The following AGFG2 variants were observed in gnomAD, a reference collection of about 807,000 sequenced individuals.
The protein encoded by AGFG2 is arf-GAP domain and FG repeat-containing protein 2.
In AGFG2, 31 loss-of-function variants were observed where a neutral mutation model predicts 48.0. The observed-to-expected ratio is 0.65, with a 90% confidence interval of 0.49 to 0.87. The LOEUF (loss-of-function observed/expected upper bound fraction) is 0.87, where lower values mean the gene tolerates loss of function less well. AGFG2 is among the 40% of genes least tolerant of loss of function. The pLI is 0.00. For synonymous variants in AGFG2, 229 were observed against 260.8 expected, an observed-to-expected ratio of 0.88 and a Z score of 1.18; for missense variants, 599 against 632.6, an observed-to-expected ratio of 0.95 and a Z score of 0.57.
intron 3 of AGFG2, among the ~76,000 whole-genome samples, chr7:100,551,885 CAAAAAAAAAAAAA>C (rs59484677): frequency 1.8e-4 from 3 of 16,854 alleles, no homozygotes; most frequent in Admixed American, 1.4e-3. Flanking sequence ...GAGACTGTCT[CAAAAAAAAAAAAA>C]AAAAAAAAAA....
At chr7:100,544,056 T>C (rs184976721) in intron 1 of AGFG2, among the ~76,000 whole-genome samples, 3 of 152,368 alleles carry the variant, frequency 2.0e-5, no homozygotes, top group Admixed American at 2.0e-4. Flanking sequence ...GTGCTTTAAA[T>C]GTTCTTTCTT....
chr7:100,562,538 C>G lies in AGFG2; in HGVS notation c.999-56C>G. Reference sequence around the variant, plus strand: ...AGGGTTGGCATCTCCTGGCCCCTTGCTCAGGTTTGATTGGCCCTGGCAGCT... The same window carrying G: ...AGGGTTGGCATCTCCTGGCCCCTTGGTCAGGTTTGATTGGCCCTGGCAGCT... On this transcript the variant is annotated intron_variant, in intron 7 of 11. Transcript: ENST00000300176. This position sits in a 1 kb window ranked among gnomAD's most constrained non-coding sequence, Gnocchi z 5.4. 1.2e-6 allele frequency: 2 copies of G among 1,611,992 alleles called. No homozygotes were observed. The highest frequency in any genetic ancestry group is 1.7e-6 in the Non-Finnish European group (2 of 1,178,934).
At position 100,539,295 on chromosome 7, in the gene AGFG2, C is replaced by G. The variant is rs1800371168; in HGVS notation, c.-52C>G. ...GGAGGCGGCTGAGGAGGCGGGAAGG[C>G]GGCAGTGGTTGAAGGGGTGATTGCT... On this transcript the variant is annotated 5_prime_UTR_variant, in exon 1 of 12. Transcript: ENST00000300176. 1 of 1,268,940 alleles carries G rather than the reference C, an allele frequency of 7.9e-7. No homozygotes were observed. Among genetic ancestry groups the G allele is most frequent in the South Asian group, 2.7e-5 (1 of 37,574 alleles). The allele number at this position is 1,268,940 out of a possible 1,614,324, so 78.6% of individuals were successfully genotyped here.
At chr7:100,551,066 A>ATATTTTTT (rs1562791920) in intron 3 of AGFG2, among the ~76,000 whole-genome samples, 1 of 69,718 alleles carries the variant, frequency 1.4e-5, no homozygotes, top group African/African-American at 6.4e-5. Context: ...ATATATATAT[A>ATATTTTTT]TTTCTTTTTT....
intron 1 of AGFG2, among the ~76,000 whole-genome samples, chr7:100,547,179 C>G (rs2131104748): frequency 6.6e-6 from 1 of 150,808 alleles, no homozygotes; most frequent in East Asian, 2.0e-4. Flanking sequence ...ACCCCCACCA[C>G]CGCTGCTTTT....
chr7:100,548,607 C>G (rs1182939563), intron 1 of AGFG2, among the ~76,000 whole-genome samples: 1 of 152,178 alleles, frequency 6.6e-6, no homozygotes. Context: ...GTCACTGTGC[C>G]TGGCCTCTCT....
rs35771030 is a variant in AGFG2, at chr7:100,563,934, G to A, written c.1272G>A (p.Pro424=). The A allele has an allele frequency of 7.5e-4, 1,199 of 1,608,304 alleles. No homozygotes were observed. Among genetic ancestry groups the A allele is most frequent in the Non-Finnish European group, 9.2e-4 (1,086 of 1,179,974 alleles). The part of the protein sequence containing the change: ...ASSFPAPLFP[P]QTPLVQQQNG... ...CCTTCCCAGCACCGCTGTTCCCCCC[G>A]CAGACCCCGCTTGTTCAGCAGCAGA... is the stretch of plus-strand genomic sequence containing the variant. Residue 424 remains proline, a synonymous_variant, in exon 10 of 12, where the codon CCG becomes CCA. Transcript: ENST00000300176.
rs1800910761 is a variant in AGFG2, at chr7:100,562,914, C to G, written c.1139C>G (p.Thr380Ser). The change falls in exon 9 of 12, where the codon ACC becomes AGC. Residue 380 changes from threonine to serine, a missense_variant. Transcript: ENST00000300176. This position sits in a 1 kb window ranked among gnomAD's most constrained non-coding sequence, Gnocchi z 5.4. ...APAAQSPLPSTNPFQPNGLAP... is the reference protein window; with the variant it reads ...APAAQSPLPSSNPFQPNGLAP... ...GCCGCCCAGTCCCCGCTGCCTTCCA[C>G]CAACCCGTTCCAGCCCAATGGCTTG... 1 of 1,614,144 alleles carries G rather than the reference C, an allele frequency of 6.2e-7. No individual in the cohort carries two copies. The highest frequency in any genetic ancestry group is 2.2e-5 in the East Asian group (1 of 44,888).
rs1326804444 is a variant in AGFG2, at chr7:100,567,641, AAG to A, written c.*2651_*2652del. On this transcript the variant is annotated 3_prime_UTR_variant, in exon 12 of 12. Transcript: ENST00000300176. ...CCTGTGTTGCCTTCCACAGAGGAGC[AAG>A]GCCTCAGGCTGAGGAAGGAGGGGCA... 1.3e-5 allele frequency: 2 copies of A among 152,600 alleles called. No homozygotes were observed. Among genetic ancestry groups the A allele is most frequent in the African/African-American group, 4.8e-5 (2 of 41,452 alleles). 9.5% of individuals were successfully genotyped at this position (152,600 alleles called of 1,614,324 possible).
Position 100,557,370 on chromosome 7 carries a change from CAAGT to C in AGFG2, c.877+1639_877+1642del, listed in dbSNP as rs1208790296. Among the ~76,000 whole-genome samples the C allele has an allele frequency of 3.9e-5, 6 of 152,236 alleles. No individual in the cohort carries two copies. In the East Asian group the frequency reaches 1.2e-3, roughly 29 times the overall value. The stretch of plus-strand genomic sequence containing the variant: ...TATGCTTTCCCACATGACTAATAGA[CAAGT>C]AAGAAATAAACTATAGGAAACAAAA... On this transcript the variant is annotated intron_variant, in intron 6 of 11. Transcript: ENST00000300176.
rs1461797728 is a variant in AGFG2 at position 100,548,991 on chromosome 7, C to T, written c.315+76C>T. The T allele has an allele frequency of 4.9e-6, 6 of 1,220,880 alleles. No homozygotes were observed. In the East Asian group the frequency reaches 1.2e-4, roughly 24 times the overall value. 75.6% of individuals were successfully genotyped at this position (1,220,880 alleles called of 1,614,324 possible). ...GCTTTGCCTCAAGATTGTAGGGAAA[C>T]CTTACGGTTTTATTTTTGGTTGAGT... On this transcript the variant is annotated intron_variant, in intron 2 of 11. Coordinates refer to ENST00000300176, the MANE Select transcript of AGFG2 (RefSeq NM_006076.5).
Position 100,554,255 on chromosome 7 carries a change from G to C in AGFG2, c.748G>C (p.Gly250Arg). 2.5e-6 allele frequency: 4 copies of C among 1,611,184 alleles called. No individual in the cohort carries two copies. The highest frequency in any genetic ancestry group is 3.4e-6 in the Non-Finnish European group (4 of 1,178,448). The change falls in exon 5 of 12, where the codon GGG (glycine) becomes CGG (arginine). Residue 250 changes from glycine (G) to arginine (R), a missense_variant. Coordinates refer to ENST00000300176, the MANE Select transcript of AGFG2 (RefSeq NM_006076.5). ...APAFAAFPAF[G>R]GQTPSQGGFA... ...AGCTTTTGCTGCATTCCCTGCCTTT[G>C]GGGGTAAGTGGGTTTTGGGATGGGA...
Position 100,565,114 on chromosome 7 carries a change from T to C in AGFG2, c.*123T>C, listed in dbSNP as rs1385894186. On this transcript the variant is annotated 3_prime_UTR_variant, in exon 12 of 12. Transcript: ENST00000300176. ...GGGGATGGTGGAGGTGCTAATGCTT[T>C]GCTTGGGGCCTACAGGTGAAAGGTG... 1.7e-6 allele frequency: 2 copies of C among 1,145,994 alleles called. No homozygotes were observed. The highest frequency in any genetic ancestry group is 1.5e-5 in the African/African-American group (1 of 64,896). 71.0% of individuals were successfully genotyped at this position (1,145,994 alleles called of 1,614,324 possible).
At chr7:100,555,503 C>T (rs1337892506) in intron 5 of AGFG2, 107 bp from the exon 6 acceptor site, 3 of 1,251,568 alleles carry the variant, frequency 2.4e-6, no homozygotes, top group African/African-American at 1.5e-5. Flanking sequence ...GAACTTCTGA[C>T]CTCAAGTGAT....
At position 100,549,859 on chromosome 7, in the gene AGFG2, AT is replaced by A. The variant is rs568665718; in HGVS notation, c.316-532del. Reference sequence around the variant, plus strand: ...AGGCACATGCCACCATGCTCCACTAATTTTTGTATTTTTTTAGAGAGTGGGT... The same window carrying A: ...AGGCACATGCCACCATGCTCCACTAATTTTGTATTTTTTTAGAGAGTGGGT... On this transcript the variant is annotated intron_variant, in intron 2 of 11. Transcript: ENST00000300176. Among the ~76,000 whole-genome samples the A allele has an allele frequency of 1.2e-3, 178 of 152,142 alleles. 1 individual carries two copies. The highest frequency in any genetic ancestry group is 4.0e-4 in the Non-Finnish European group (27 of 67,996).
chr7:100,562,968 T>G lies in AGFG2; in HGVS notation c.1171+22T>G. ...CCAGGTAAGCCTCCAGCATGGTCCC[T>G]TGTCCTGACCATCTGAGACTTCCAA... On this transcript the variant is annotated intron_variant, in intron 9 of 11. Coordinates refer to ENST00000300176, the MANE Select transcript of AGFG2 (RefSeq NM_006076.5). The surrounding 1 kb of genome is among the most constrained non-coding windows in gnomAD (Gnocchi z 5.4). 1.2e-6 allele frequency: 2 copies of G among 1,600,676 alleles called. No homozygotes were observed. Among genetic ancestry groups the G allele is most frequent in the Non-Finnish European group, 1.7e-6 (2 of 1,168,996 alleles).
At chr7:100,563,702 G>GGCT in intron 9 of AGFG2, 132 bp from the exon 10 acceptor site, 13 of 1,345,042 alleles carry the variant, frequency 9.7e-6, no homozygotes, top group Non-Finnish European at 1.2e-5. Context: ...AGAGTTCCAT[G>GGCT]GCTGGGTCCC....
rs1801056328 is a variant in AGFG2, at chr7:100,568,189, AG to A, written c.*3202del. 6.5e-6 allele frequency: 1 copy of A among 152,820 alleles called. No individual in the cohort carries two copies. The highest frequency in any genetic ancestry group is 2.4e-5 in the African/African-American group (1 of 41,564). 9.5% of individuals were successfully genotyped at this position (152,820 alleles called of 1,614,324 possible). ...GGGACCTGGTTGATGGGGAGTGGGA[AG>A]GGGAAGGAATAAAGAGATCTTCCTC... On this transcript the variant is annotated 3_prime_UTR_variant, in exon 12 of 12. Coordinates refer to ENST00000300176, the MANE Select transcript of AGFG2 (RefSeq NM_006076.5).
chr7:100,555,773 C>T (rs980249892), intron 6 of AGFG2, 38 bp downstream of exon 6: 52 of 1,609,810 alleles, frequency 3.2e-5, no homozygotes, highest in Admixed American at 1.3e-4. Context: ...CTCTTCCAAC[C>T]GTGTCCATTT....
Sources: allele counts gnomAD v4.1 joint callset (sites outside exome capture counted in the v4.1 genomes callset), GRCh38; gene constraint gnomAD v4.1.1; non-coding constraint Gnocchi (gnomAD v3.1); transcripts MANE v1.5; gene names NCBI Gene and HGNC (gene_info 2026-07-23, HGNC 2026-07-21).